HDGFL3: variants seen among roughly 807,000 people sequenced by gnomAD.
HDGFL3 encodes HDGF like 3.
A neutral mutation model predicts 27.6 loss-of-function variants in HDGFL3; 6 were observed. The ratio of observed to expected loss-of-function variants is 0.22; its 90% CI spans 0.12 to 0.43. The LOEUF (loss-of-function observed/expected upper bound fraction) is 0.43, where lower values mean the gene tolerates loss of function less well. Ranked by LOEUF, HDGFL3 falls within the 20% of genes least tolerant of loss-of-function variation. The pLI, the probability that HDGFL3 is intolerant of heterozygous loss-of-function variation, is 1.00. For missense variants in HDGFL3, 207 were observed against 250.1 expected (o/e 0.83, Z 1.16); for synonymous variants, 88 against 88.9 (o/e 0.99, Z 0.05).
At chr15:83,205,264 T>C (rs560494232) in intron 1 of HDGFL3, among the ~76,000 whole-genome samples, 1 of 152,332 alleles carries the variant, frequency 6.6e-6, no homozygotes, top group South Asian at 2.1e-4. Flanking sequence ...GGGACTCAAA[T>C]CTTTTTCTAA....
At chr15:83,172,926 G>A (rs1377388166) in intron 1 of HDGFL3, among the ~76,000 whole-genome samples, 1 of 151,292 alleles carries the variant, frequency 6.6e-6, no homozygotes. Context: ...TGAGTAGACT[G>A]AGGAGGAGGA....
chr15:83,122,890 A>G (rs374395724), downstream of HDGFL3: 1 of 1,613,750 alleles, frequency 6.2e-7, no homozygotes, highest in Admixed American at 1.7e-5. Flanking sequence ...TGATTTTATT[A>G]AGCTTTGATG....
chr15:83,124,715 T>G, downstream of HDGFL3: 1 of 1,614,172 alleles, frequency 6.2e-7, no homozygotes, highest in East Asian at 2.2e-5. Flanking sequence ...AGAAGACCAT[T>G]TGATTTAATG....
chr15:83,140,165 C>T (rs1054660811), intron 5 of HDGFL3, among the ~76,000 whole-genome samples: 1 of 152,094 alleles, frequency 6.6e-6, no homozygotes, highest in Non-Finnish European at 1.5e-5. Context: ...AACATGTATA[C>T]TAAATGGTAT....
chr15:83,160,936 C>T (rs184799771), intron 2 of HDGFL3, among the ~76,000 whole-genome samples: 1 of 152,280 alleles, frequency 6.6e-6, no homozygotes, highest in East Asian at 1.9e-4. Context: ...CCTTTAATTG[C>T]TCAGTCAGCA....
At chr15:83,118,407 G>C (rs2034900605) in intron 3 of HDGFL3, among the ~76,000 whole-genome samples, 1 of 152,200 alleles carries the variant, frequency 6.6e-6, no homozygotes, top group African/African-American at 2.4e-5. Context: ...TACCAGGAGA[G>C]GCCAGCACTG....
intron 3 of HDGFL3, chr15:83,116,012 C>T: frequency 8.4e-7 from 1 of 1,191,626 alleles, no homozygotes; most frequent in Non-Finnish European, 1.3e-6. Context: ...TACTCAGAGA[C>T]AGAAATCCTC....
intron 3 of HDGFL3, 73 bp downstream of exon 3, chr15:83,157,830 A>G (rs2151402370): frequency 2.2e-6 from 3 of 1,376,018 alleles, no homozygotes; most frequent in South Asian, 2.4e-5. Flanking sequence ...GAAAGGACAT[A>G]TAAGAAAGAT....
At chr15:83,115,512 G>C in exon 4 of HDGFL3, 1 of 430,106 alleles carries the variant, frequency 2.3e-6, no homozygotes, top group South Asian at 2.0e-5. Context: ...ATGTGGGTTT[G>C]ATTCTGGGCA....
intron 1 of HDGFL3, among the ~76,000 whole-genome samples, chr15:83,187,660 G>A (rs572879181): frequency 3.2e-4 from 49 of 152,020 alleles, no homozygotes; most frequent in South Asian, 2.1e-3. Context: ...AGGCTGAGGC[G>A]GGCGGATCAC....
At chr15:83,113,130 A>G in exon 4 of HDGFL3, 1 of 568,868 alleles carries the variant, frequency 1.8e-6, no homozygotes, top group Non-Finnish European at 3.2e-6. Context: ...CTGCCAGGCC[A>G]GGCAGGGCAC....
At chr15:83,115,014 C>T (rs2034526108) in exon 4 of HDGFL3, 1 of 152,308 alleles carries the variant, frequency 6.6e-6, no homozygotes, top group South Asian at 2.1e-4. Flanking sequence ...CATCAGCCAC[C>T]TGTCTGTCTC....
In HDGFL3 at chr15:83,164,060, C is replaced by G. The variant is rs2037132715; in HGVS notation, c.100G>C (p.Glu34Gln). Residue 34 changes from glutamate (E) to glutamine (Q), a missense_variant, in exon 2 of 6, where the codon GAG becomes CAG. Physicochemically the swap from Glu to Gln is conservative, Grantham distance 29. Coordinates refer to ENST00000299633, the MANE Select transcript of HDGFL3 (RefSeq NM_016073.4). ...HWPARIDELP[E>Q]GAVKPPANKY... ...TTTGCTGGAGGCTTCACAGCGCCCT[C>G]TGGGAGTTCATCAATCTATGAAAGA... 1.2e-6 allele frequency: 2 copies of G among 1,606,480 alleles called. No homozygotes were observed. Among genetic ancestry groups the G allele is most frequent in the Non-Finnish European group, 1.7e-6 (2 of 1,177,060 alleles).
At position 83,131,056 on chromosome 15, in the gene HDGFL3, C is replaced by CTCTCCA. The variant is rs2036196388; in HGVS notation, c.*8208_*8213dup. ...AGTGAGCCGAGACTGTGTCACTGCA[C>CTCTCCA]TCTCCAGCCCAGGTGACAGAGAGAG... On this transcript the variant is annotated 3_prime_UTR_variant, in exon 6 of 6. Transcript: ENST00000299633. 1 of 152,106 alleles carries CTCTCCA rather than the reference C, an allele frequency of 6.6e-6. No individual in the cohort carries two copies. The highest frequency in any genetic ancestry group is 2.1e-4 in the South Asian group (1 of 4,832). 9.4% of individuals were successfully genotyped at this position (152,106 alleles called of 1,614,324 possible).
chr15:83,195,243 G>A (rs1476764347), intron 1 of HDGFL3, among the ~76,000 whole-genome samples: 4 of 151,946 alleles, frequency 2.6e-5, no homozygotes, highest in African/African-American at 9.7e-5. Flanking sequence ...CAAATATTGG[G>A]CAAAAAACTT....
At chr15:83,170,971 A>C (rs1268290963) in intron 1 of HDGFL3, among the ~76,000 whole-genome samples, 1 of 152,196 alleles carries the variant, frequency 6.6e-6, no homozygotes, top group Non-Finnish European at 1.5e-5. Flanking sequence ...AGAAACACGA[A>C]AAAACTTGTC....
chr15:83,176,245 G>C (rs926125035), intron 1 of HDGFL3, among the ~76,000 whole-genome samples: 18 of 152,144 alleles, frequency 1.2e-4, no homozygotes, highest in African/African-American at 4.1e-4. Flanking sequence ...TTGAAACATT[G>C]TCCTACCTCT....
chr15:83,115,520 G>A, exon 4 of HDGFL3: 1 of 444,660 alleles, frequency 2.2e-6, no homozygotes, highest in South Asian at 1.9e-5. Flanking sequence ...TTGATTCTGG[G>A]CAGCCACTTG....
At chr15:83,140,791 C>A (rs2036754600) in intron 5 of HDGFL3, among the ~76,000 whole-genome samples, 1 of 152,116 alleles carries the variant, frequency 6.6e-6, no homozygotes, top group Non-Finnish European at 1.5e-5. Flanking sequence ...CCGAAACCTT[C>A]TTTAACAATG....
Sources: allele counts gnomAD v4.1 joint callset (sites outside exome capture counted in the v4.1 genomes callset), GRCh38; gene constraint gnomAD v4.1.1; transcripts MANE v1.5; gene names NCBI Gene and HGNC (gene_info 2026-07-23, HGNC 2026-07-21).